PGM2: variants seen among roughly 807,000 people sequenced by gnomAD.
PGM2 encodes phosphopentomutase.
Under a neutral mutation model 74.6 loss-of-function variants are expected in PGM2, and 57 were observed. The observed-to-expected ratio is 0.76, with a 90% CI of 0.62 to 0.95. The LOEUF (loss-of-function observed/expected upper bound fraction) is 0.95. Ranked by LOEUF, PGM2 falls within the 40% of genes least tolerant of loss-of-function variation. The pLI is 0.00. For synonymous variants in PGM2, 273 were observed against 260.7 expected (o/e 1.05, Z -0.46); for missense variants, 706 against 741.9 (o/e 0.95, Z 0.56).
chr4:37,844,421 T>C lies in PGM2; in HGVS notation c.777T>C (p.Gly259=), dbSNP rs762908520. 3 of 1,613,598 alleles carry C rather than the reference T, an allele frequency of 1.9e-6. No homozygotes were observed. The highest frequency in any genetic ancestry group is 3.3e-5 in the Admixed American group (2 of 59,984). ...TGCACACCTCTGTCCATGGGGTGGG[T>C]CATAGCTTTGTGCAGTCAGCTTTCA... ...KFVHTSVHGV[G]HSFVQSAFKA... The change falls in exon 7 of 14, where the codon GGT becomes GGC. Residue 259 remains glycine (G), a synonymous_variant. Coordinates refer to ENST00000381967, the MANE Select transcript of PGM2 (RefSeq NM_018290.4).
chr4:37,840,958 G>GTATATA (rs1311508721), intron 6 of PGM2, among the ~76,000 whole-genome samples: 2 of 92,288 alleles, frequency 2.2e-5, no homozygotes, highest in Non-Finnish European at 5.5e-5. Context: ...GTGTGTGTGT[G>GTATATA]TGTGTGTATA....
At chr4:37,850,523 G>T (rs10012171) in intron 12 of PGM2, 150 bp downstream of exon 12, 5 of 517,568 alleles carry the variant, frequency 9.7e-6, no homozygotes, top group Non-Finnish European at 1.3e-5. Flanking sequence ...TATGGAAGCC[G>T]GATGTGGTGG....
intron 12 of PGM2, among the ~76,000 whole-genome samples, chr4:37,850,669 A>G (rs1726016287): frequency 6.6e-6 from 1 of 151,690 alleles, no homozygotes; most frequent in African/African-American, 2.4e-5. Flanking sequence ...GGGCGTGGTA[A>G]GTTAAAAACC....
chr4:37,844,101 C>T (rs1001654110), intron 6 of PGM2, among the ~76,000 whole-genome samples: 6 of 152,074 alleles, frequency 3.9e-5, no homozygotes, highest in African/African-American at 1.4e-4. Flanking sequence ...GCTTGAGGTT[C>T]TTCTTTGTAT....
chr4:37,835,125 A>G (rs1725532809), intron 3 of PGM2, among the ~76,000 whole-genome samples: 1 of 152,194 alleles, frequency 6.6e-6, no homozygotes, highest in African/African-American at 2.4e-5. Flanking sequence ...CTGAAGGCAT[A>G]TGATGCTGAT....
intron 13 of PGM2, among the ~76,000 whole-genome samples, chr4:37,856,018 T>C (rs1376007219): frequency 6.6e-6 from 1 of 152,194 alleles, no homozygotes. Flanking sequence ...CTAAACACTT[T>C]TCATTGGTAG....
chr4:37,837,363 C>G (rs182687801), intron 3 of PGM2, among the ~76,000 whole-genome samples, 166 bp from the exon 4 acceptor site: 134 of 152,306 alleles, frequency 8.8e-4, no homozygotes, highest in African/African-American at 3.1e-3. Flanking sequence ...TGAGAGTCCT[C>G]CAGCTTTACT....
rs770928939 is a variant in PGM2, at chr4:37,846,995, T to C, written c.1072T>C (p.Ser358Pro). The change falls in exon 9 of 14, where the codon TCT becomes CCT. Residue 358 changes from serine to proline, a missense_variant. Coordinates refer to ENST00000381967, the MANE Select transcript of PGM2 (RefSeq NM_018290.4). ...CCTCCTGGGCTGGTGGCTTTTTACA[T>C]CTTGGAAAGAGAAGAACCAGGATCG... is the stretch of plus-strand genomic sequence containing the variant. Reference protein sequence around the residue: ...GALLGWWLFTSWKEKNQDRSA... With the variant: ...GALLGWWLFTPWKEKNQDRSA... The C allele has an allele frequency of 9.3e-6, 15 of 1,613,838 alleles. No homozygotes were observed. Among genetic ancestry groups the C allele is most frequent in the Non-Finnish European group, 1.3e-5 (15 of 1,179,770 alleles).
chr4:37,839,579 A>G, intron 4 of PGM2: 1 of 582,620 alleles, frequency 1.7e-6, no homozygotes, highest in Non-Finnish European at 3.2e-6. Flanking sequence ...AGAATTTTCT[A>G]GCTCTACCAA....
chr4:37,852,043 C>A (rs140053708), intron 12 of PGM2, among the ~76,000 whole-genome samples: 1,765 of 146,616 alleles, frequency 0.012, 19 homozygotes, highest in Middle Eastern at 0.025. Context: ...GATCACAGCT[C>A]CCTGTAGCTT....
intron 6 of PGM2, among the ~76,000 whole-genome samples, chr4:37,842,181 T>C (rs1725747930): frequency 6.8e-6 from 1 of 147,808 alleles, no homozygotes; most frequent in East Asian, 2.0e-4. Context: ...ACATATTATA[T>C]ATACATATAT....
chr4:37,844,757 C>G (rs1725821129), intron 7 of PGM2, among the ~76,000 whole-genome samples: 1 of 152,132 alleles, frequency 6.6e-6, no homozygotes, highest in Non-Finnish European at 1.5e-5. Flanking sequence ...CACTTGAGGT[C>G]AGGTGTTCGA....
chr4:37,847,377 G>T, intron 10 of PGM2, 82 bp downstream of exon 10: 1 of 1,013,880 alleles, frequency 9.9e-7, no homozygotes, highest in South Asian at 1.4e-5. Context: ...GATCCACAGT[G>T]AAACACGGTT....
In PGM2 at chr4:37,840,100, C is replaced by T. The variant is rs1212450368; in HGVS notation, c.560C>T (p.Pro187Leu). 6.2e-7 allele frequency: 1 copy of T among 1,614,004 alleles called. No homozygotes were observed. Among genetic ancestry groups the T allele is most frequent in the South Asian group, 1.1e-5 (1 of 91,086 alleles). Residue 187 changes from proline (P) to leucine (L), a missense_variant, in exon 6 of 14, where the codon CCT becomes CTT. Pro to Leu is a moderately conservative substitution (Grantham distance 98). This residue lies in a region of PGM2 where 332 missense variants were observed against 334.9 expected (regional missense o/e 0.99). Transcript: ENST00000381967. ...GATAATGGAGCTCAGATCATTTCTC[C>T]TCACGATAAAGGGATTTCTCAAGCT... ...YWDNGAQIISPHDKGISQAIE... is the reference protein window; with the variant it reads ...YWDNGAQIISLHDKGISQAIE...
At chr4:37,861,441 G>A in intron 13 of PGM2, 69 bp from the exon 14 acceptor site, 1 of 974,078 alleles carries the variant, frequency 1.0e-6, no homozygotes, top group Admixed American at 1.7e-5. Context: ...CTTGGTCAAT[G>A]GGGGGAGCAT....
intron 4 of PGM2, chr4:37,839,484 G>A (rs1190403863): frequency 2.2e-6 from 1 of 455,108 alleles, no homozygotes; most frequent in Non-Finnish European, 4.4e-6. Flanking sequence ...GCAGTTGGAG[G>A]GAGTAAACTG....
At chr4:37,859,198 A>G (rs1690906744) in intron 13 of PGM2, among the ~76,000 whole-genome samples, 1 of 152,194 alleles carries the variant, frequency 6.6e-6, no homozygotes, top group Non-Finnish European at 1.5e-5. Context: ...ACTCTGTGAT[A>G]CTTCATGACA....
intron 13 of PGM2, among the ~76,000 whole-genome samples, chr4:37,860,165 C>G (rs1286535564): frequency 6.6e-6 from 1 of 152,018 alleles, no homozygotes; most frequent in Non-Finnish European, 1.5e-5. Context: ...GTAAATTCAC[C>G]AAGTTTTAGT....
Position 37,840,068 on chromosome 4 carries a change from C to T in PGM2, c.528C>T (p.Val176=), listed in dbSNP as rs1166782534. ...GAATGTGTTCCTGGGTCCTCTAGGT[C>T]TATTGGGATAATGGAGCTCAGATCA... The part of the protein sequence containing the change: ...HNPKQDNGYK[V]YWDNGAQIIS... The change falls in exon 6 of 14, where the codon GTC becomes GTT. Residue 176 remains valine, a splice_region_variant and synonymous_variant. Coordinates refer to ENST00000381967, the MANE Select transcript of PGM2 (RefSeq NM_018290.4). 1 of 1,612,264 alleles carries T rather than the reference C, an allele frequency of 6.2e-7. No homozygotes were observed.
Sources: allele counts gnomAD v4.1 joint callset (sites outside exome capture counted in the v4.1 genomes callset), GRCh38; gene constraint gnomAD v4.1.1; regional missense constraint gnomAD v4.1.1; transcripts MANE v1.5; gene names NCBI Gene and HGNC (gene_info 2026-07-23, HGNC 2026-07-21).